The following CDYL variants were observed in gnomAD, a reference collection of about 807,000 sequenced individuals.
CDYL encodes chromodomain Y-like protein.
Under a neutral mutation model 47.3 loss-of-function variants are expected in CDYL, and 8 were observed. The ratio of observed to expected loss-of-function variants is 0.17; its 90% CI spans 0.10 to 0.31. The LOEUF is 0.31. Ranked by LOEUF, CDYL falls within the 10% of genes least tolerant of loss-of-function variation. The pLI is 1.00. For synonymous variants in CDYL, 266 were observed against 265.0 expected, an observed-to-expected ratio of 1.00 and a Z score of -0.04; for missense variants, 471 against 701.4, an observed-to-expected ratio of 0.67 and a Z score of 3.71.
intron 1 of CDYL, among the ~76,000 whole-genome samples, chr6:4,711,923 G>A (rs771971268): frequency 2.0e-5 from 3 of 152,060 alleles, no homozygotes; most frequent in African/African-American, 2.4e-5. Flanking sequence ...AAATTAGCGC[G>A]GTGTGGTGGT....
intron 1 of CDYL, among the ~76,000 whole-genome samples, chr6:4,799,111 T>C (rs1425344604): frequency 1.3e-5 from 2 of 152,368 alleles, no homozygotes; most frequent in African/African-American, 4.8e-5. Flanking sequence ...AAATTTGATA[T>C]GCTTTCATTA....
intron 1 of CDYL, among the ~76,000 whole-genome samples, chr6:4,791,398 A>C (rs1424874821): frequency 6.6e-6 from 1 of 152,202 alleles, no homozygotes; most frequent in Non-Finnish European, 1.5e-5. Flanking sequence ...TCTAGTACTG[A>C]AGTACTTTAG....
chr6:4,887,500 T>C (rs1285089754), intron 1 of CDYL, among the ~76,000 whole-genome samples: 1 of 152,186 alleles, frequency 6.6e-6, no homozygotes, highest in African/African-American at 2.4e-5. Flanking sequence ...AGAAATACAA[T>C]GCAGTTATTC....
chr6:4,776,842 C>CG, intron 1 of CDYL, 35 bp downstream of exon 1: 1 of 814,600 alleles, frequency 1.2e-6, no homozygotes, highest in Non-Finnish European at 1.5e-6. Context: ...GGCCGCCCCC[C>CG]GCCCGCCGCC....
chr6:4,840,838 T>C (rs1760467676), intron 1 of CDYL, among the ~76,000 whole-genome samples: 3 of 151,676 alleles, frequency 2.0e-5, no homozygotes, highest in Admixed American at 2.0e-4. Context: ...CATCAGCGAT[T>C]TTTTTGTTTT....
chr6:4,849,510 A>C (rs546122638), intron 1 of CDYL, among the ~76,000 whole-genome samples: 1 of 152,296 alleles, frequency 6.6e-6, no homozygotes, highest in Admixed American at 6.5e-5. Context: ...TAACAATCTT[A>C]AGTCTTTTGT....
Position 4,712,997 on chromosome 6 carries a change from T to C in CDYL, c.-38-2744T>C, listed in dbSNP as rs114582408. ...CCGTCTCTACAAAACATACAAAAATTAGCGAGGTGTGGTGGTATGCACCTG... is the reference window on the plus strand; with the variant it reads ...CCGTCTCTACAAAACATACAAAAATCAGCGAGGTGTGGTGGTATGCACCTG... On this transcript the variant is annotated intron_variant, in intron 1 of 8. Coordinates refer to the CDYL transcript ENST00000328908. 6.4e-3 allele frequency among the ~76,000 whole-genome samples: 971 copies of C among 152,202 alleles called. 12 individuals are homozygous for C. Among genetic ancestry groups the C allele is most frequent in the African/African-American group, 0.02 (846 of 41,510 alleles).
intron 1 of CDYL, among the ~76,000 whole-genome samples, chr6:4,862,622 G>A (rs1451353201): frequency 6.6e-6 from 1 of 152,158 alleles, no homozygotes; most frequent in Non-Finnish European, 1.5e-5. Flanking sequence ...GCCCACTATA[G>A]CTATTAGTGT....
intron 3 of CDYL, among the ~76,000 whole-genome samples, chr6:4,745,151 G>A (rs554255389): frequency 1.3e-5 from 2 of 152,160 alleles, no homozygotes; most frequent in Non-Finnish European, 2.9e-5. Flanking sequence ...TTGTAGACGA[G>A]GTCTCACTAT....
intron 1 of CDYL, among the ~76,000 whole-genome samples, chr6:4,817,724 C>G (rs1759713747): frequency 6.6e-6 from 1 of 152,124 alleles, no homozygotes; most frequent in Non-Finnish European, 1.5e-5. Context: ...TCGTGACTTC[C>G]AAAGTTTAAA....
chr6:4,737,818 C>T (rs529218658), intron 3 of CDYL, among the ~76,000 whole-genome samples: 1 of 152,058 alleles, frequency 6.6e-6, no homozygotes, highest in South Asian at 2.1e-4. Flanking sequence ...AGCCATCGCA[C>T]CAGCTGGAAA....
At chr6:4,798,253 A>G (rs560031466) in intron 1 of CDYL, among the ~76,000 whole-genome samples, 10 of 152,146 alleles carry the variant, frequency 6.6e-5, no homozygotes, top group Admixed American at 3.3e-4. Flanking sequence ...GATTACATGC[A>G]TGAGCCACCA....
chr6:4,805,080 C>CT (rs760748799), intron 1 of CDYL, among the ~76,000 whole-genome samples: 1 of 152,172 alleles, frequency 6.6e-6, no homozygotes, highest in Non-Finnish European at 1.5e-5. Flanking sequence ...AGAAAACAGA[C>CT]TAGATGGTGC....
In CDYL at chr6:4,946,797, T is replaced by C. The variant is rs370280309; in HGVS notation, c.1332+3041T>C. Among the ~76,000 whole-genome samples, 6 of 152,306 alleles carry C rather than the reference T, an allele frequency of 3.9e-5. No homozygotes were observed. In the East Asian group the frequency reaches 9.7e-4, roughly 25 times the overall value. On this transcript the variant is annotated intron_variant, in intron 5 of 6. Transcript: ENST00000397588. Reference sequence around the variant, plus strand: ...GCACTCCAGGCATGCCCTTCCCTGCTGTGGATGGCCCCACCGGCTGTGCTG... The same window carrying C: ...GCACTCCAGGCATGCCCTTCCCTGCCGTGGATGGCCCCACCGGCTGTGCTG...
At chr6:4,814,988 C>A (rs899152173) in intron 1 of CDYL, among the ~76,000 whole-genome samples, 1 of 152,182 alleles carries the variant, frequency 6.6e-6, no homozygotes, top group Non-Finnish European at 1.5e-5. Context: ...GGTAACAGAT[C>A]TCTTATTCAG....
intron 1 of CDYL, among the ~76,000 whole-genome samples, chr6:4,879,108 G>A (rs1761693664): frequency 1.3e-5 from 2 of 152,014 alleles, no homozygotes; most frequent in Non-Finnish European, 2.9e-5. Context: ...TTATTTTATG[G>A]CTTACCAAGT....
intron 3 of CDYL, among the ~76,000 whole-genome samples, chr6:4,738,715 G>A (rs1414111363): frequency 6.6e-6 from 1 of 152,194 alleles, no homozygotes; most frequent in African/African-American, 2.4e-5. Context: ...GACAAATAAA[G>A]ATGTTTACTG....
rs1337124010 is a variant in CDYL, at chr6:4,900,777, G to GTGTGTGTGTGTA, written c.691+8401_691+8402insGTGTGTGTATGT. Among the ~76,000 whole-genome samples, 3 of 18,134 alleles carry GTGTGTGTGTGTA rather than the reference G, an allele frequency of 1.7e-4. 1 individual carries two copies. The highest frequency in any genetic ancestry group is 2.1e-4 in the African/African-American group (1 of 4,668). The allele number at this position is 18,134 out of a possible 152,430, so 11.9% of individuals were successfully genotyped here. A position where few individuals can be genotyped will look rare whatever the true frequency, so the allele number is the denominator to read the frequency against. Reference sequence around the variant, plus strand: ...ATTCTTCTGTTAATTCCGTATACGTGTGTATATATATATATATATATATAT... The same window carrying GTGTGTGTGTGTA: ...ATTCTTCTGTTAATTCCGTATACGTGTGTGTGTGTGTATGTATATATATATATATATATATAT... On this transcript the variant is annotated intron_variant, in intron 2 of 6. Transcript: ENST00000397588.
At chr6:4,793,172 T>C (rs1561640566) in intron 1 of CDYL, among the ~76,000 whole-genome samples, 1 of 152,244 alleles carries the variant, frequency 6.6e-6, no homozygotes, top group African/African-American at 2.4e-5. Context: ...AATCATCATG[T>C]TGATTACGTG....
Sources: allele counts gnomAD v4.1 joint callset (sites outside exome capture counted in the v4.1 genomes callset), GRCh38; gene constraint gnomAD v4.1.1; transcripts MANE v1.5; gene names NCBI Gene and HGNC (gene_info 2026-07-23, HGNC 2026-07-21).